Variants in KRT33A observed in about 807,000 individuals in gnomAD.
The protein encoded by KRT33A is keratin, type I cuticular Ha3-I.
Under a neutral mutation model 41.1 loss-of-function variants are expected in KRT33A, and 44 were observed. The observed-to-expected ratio is 1.07, with a 90% CI of 0.84 to 1.38. The LOEUF is 1.38. Among genes scored for constraint, KRT33A ranks in the 40% most tolerant of loss-of-function variants. The pLI is 0.00. For missense variants in KRT33A, 536 were observed against 518.5 expected (o/e 1.03, Z -0.33); for synonymous variants, 229 against 227.8 (o/e 1.01, Z -0.05).
chr17:41,346,554 C>T lies in KRT33A; in HGVS notation c.991G>A (p.Asp331Asn), dbSNP rs1257517896. Residue 331 changes from aspartate to asparagine, a missense_variant, in exon 6 of 7, where the codon GAC becomes AAC. By Grantham distance (23) the Asp-to-Asn change is conservative. Transcript: ENST00000007735. ...TACTCCTGGTTCTGCCGCTCCAGGTCACTGCGGATCTCCGCCAGCTGGGAC... is the reference window on the plus strand; with the variant it reads ...TACTCCTGGTTCTGCCGCTCCAGGTTACTGCGGATCTCCGCCAGCTGGGAC... ...VESQLAEIRS[D>N]LERQNQEYQV... 1 of 1,614,214 alleles carries T rather than the reference C, an allele frequency of 6.2e-7. No homozygotes were observed. Among genetic ancestry groups the T allele is most frequent in the Admixed American group, 1.7e-5 (1 of 60,026 alleles).
intron 6 of KRT33A, 42 bp downstream of exon 6, chr17:41,346,406 C>T (rs1370593563): frequency 1.2e-6 from 2 of 1,610,536 alleles, no homozygotes; most frequent in Admixed American, 1.7e-5. Context: ...TCCACAGCAA[C>T]CTAACATGCC....
At chr17:41,348,093 A>G (rs376110539) in intron 3 of KRT33A, among the ~76,000 whole-genome samples, 2 of 152,246 alleles carry the variant, frequency 1.3e-5, no homozygotes, top group East Asian at 1.9e-4. Context: ...AGGAACGAAG[A>G]GAATTGCATT....
rs746855425 is a variant in KRT33A, at chr17:41,347,203, C to T, written c.608G>A (p.Cys203Tyr). 2 of 1,611,946 alleles carry T rather than the reference C, an allele frequency of 1.2e-6. No individual in the cohort carries two copies. Among genetic ancestry groups the T allele is most frequent in the Non-Finnish European group, 1.7e-6 (2 of 1,179,262 alleles). Residue 203 changes from cysteine (C) to tyrosine (Y), a missense_variant, in exon 4 of 7, where the codon TGC becomes TAC. Cys to Tyr is a radical substitution (Grantham distance 194). Coordinates refer to ENST00000007735, the MANE Select transcript of KRT33A (RefSeq NM_004138.4). Reference protein sequence around the residue: ...NHEQEVNTLRCQLGDRLNVEV... With the variant: ...NHEQEVNTLRYQLGDRLNVEV... ...CACGTTGAGGCGGTCTCCAAGCTGG[C>T]AGCGCAGGGTGTTAACCTCCTGATG...
In KRT33A at chr17:41,346,605, C is replaced by T; in HGVS notation, c.940G>A (p.Val314Met). The T allele has an allele frequency of 6.2e-7, 1 of 1,614,236 alleles. No individual in the cohort carries two copies. Among genetic ancestry groups the T allele is most frequent in the African/African-American group, 1.3e-5 (1 of 75,066 alleles). ...TCCACGTTGGTGATCAGTCTCTGCA[C>T]CTGGGACAGCTGGGAGCTGTAGCGG... ...EARYSSQLSQ[V>M]QRLITNVESQ... The change falls in exon 6 of 7, where the codon GTG becomes ATG. Residue 314 changes from valine (V) to methionine (M), a missense_variant. Physicochemically the swap from Val to Met is conservative, Grantham distance 21. Coordinates refer to ENST00000007735, the MANE Select transcript of KRT33A (RefSeq NM_004138.4).
At chr17:41,349,810 C>T (rs1397554964) in intron 1 of KRT33A, among the ~76,000 whole-genome samples, 1 of 151,722 alleles carries the variant, frequency 6.6e-6, no homozygotes, top group East Asian at 1.9e-4. Context: ...GGTAAACTAG[C>T]AATTGCAGGG....
At position 41,350,478 on chromosome 17, in the gene KRT33A, G is replaced by A; in HGVS notation, c.290C>T (p.Pro97Leu). The change falls in exon 1 of 7, where the codon CCC (proline) becomes CTC (leucine). Residue 97 changes from proline to leucine, a missense_variant. By Grantham distance (98) the Pro-to-Leu change is moderately conservative (BLOSUM62 -3). Coordinates refer to ENST00000007735, the MANE Select transcript of KRT33A (RefSeq NM_004138.4). ...GGACTGGTAGCTGGCACACACCAAG[G>A]GCTCCTGCTGCTGTGACCGCTCCCG... ...LIRERSQQQEPLVCASYQSYF... is the reference protein window; with the variant it reads ...LIRERSQQQELLVCASYQSYF... 1 of 1,614,044 alleles carries A rather than the reference G, an allele frequency of 6.2e-7. No homozygotes were observed. Among genetic ancestry groups the A allele is most frequent in the Non-Finnish European group, 8.5e-7 (1 of 1,180,030 alleles).
rs200406617 is a variant in KRT33A, at chr17:41,346,151, G to T, written c.1183C>A (p.Arg395=). The T allele has an allele frequency of 1.1e-5, 17 of 1,613,954 alleles. No homozygotes were observed. The South Asian group carries it at 1.8e-4, about 17-fold the overall frequency. The change falls in exon 7 of 7, where the codon CGG becomes AGG. Residue 395 remains arginine, a synonymous_variant. Transcript: ENST00000007735. ...CCAAATGTGTTGCAAGGCCCACACC[G>T]AGCACGTAGGCCACAGGGATTAGAG... ...CISNPCGLRA[R]CGPCNTFGY is the part of the protein sequence containing the mutation.
Position 41,350,443 on chromosome 17 carries a change from T to G in KRT33A, c.325A>C (p.Thr109Pro), listed in dbSNP as rs756896552. 13 of 1,613,840 alleles carry G rather than the reference T, an allele frequency of 8.1e-6. No individual in the cohort carries two copies. The Admixed American group carries it at 2.2e-4, about 27-fold the overall frequency. The change falls in exon 1 of 7, where the codon ACC becomes CCC. Residue 109 changes from threonine to proline, a missense_variant. Thr to Pro is a conservative substitution (Grantham distance 38). Coordinates refer to ENST00000007735, the MANE Select transcript of KRT33A (RefSeq NM_004138.4). ...ACCTTCTGCTGGAGCTCCTCAATGG[T>G]CTTGAAGTAGGACTGGTAGCTGGCA... The part of the protein sequence containing the change: ...VCASYQSYFK[T>P]IEELQQKILC...
intron 3 of KRT33A, among the ~76,000 whole-genome samples, chr17:41,347,923 T>C (rs1258391704): frequency 3.3e-5 from 5 of 152,236 alleles, no homozygotes; most frequent in African/African-American, 1.2e-4. Context: ...ACTAAGCACT[T>C]GATTAATATT....
Position 41,347,182 on chromosome 17 carries a change from T to A in KRT33A, c.629A>T (p.Asn210Ile). Reference protein sequence around the residue: ...TLRCQLGDRLNVEVDAAPTVD... With the variant: ...TLRCQLGDRLIVEVDAAPTVD... Reference sequence around the variant, plus strand: ...AGTGGGAGCAGCGTCCACCTCCACGTTGAGGCGGTCTCCAAGCTGGCAGCG... The same window carrying A: ...AGTGGGAGCAGCGTCCACCTCCACGATGAGGCGGTCTCCAAGCTGGCAGCG... Residue 210 changes from asparagine to isoleucine, a missense_variant, in exon 4 of 7, where the codon AAC (asparagine) becomes ATC (isoleucine). Transcript: ENST00000007735. 1 of 1,613,742 alleles carries A rather than the reference T, an allele frequency of 6.2e-7. No homozygotes were observed. The highest frequency in any genetic ancestry group is 8.5e-7 in the Non-Finnish European group (1 of 1,179,890).
In KRT33A at chr17:41,348,553, C is replaced by A; in HGVS notation, c.518G>T (p.Arg173Met). Residue 173 changes from arginine to methionine, a missense_variant, in exon 3 of 7, where the codon AGG (arginine) becomes ATG (methionine). Arg to Met is a moderately conservative substitution (Grantham distance 91). Coordinates refer to ENST00000007735, the MANE Select transcript of KRT33A (RefSeq NM_004138.4). ...CTCCACCTGGGCCTCCAGGTCAGAC[C>A]TGCACAGGGTCAGCTCATCCAGGAT... ...RRILDELTLC[R>M]SDLEAQVESL... The A allele has an allele frequency of 6.2e-7, 1 of 1,614,012 alleles. No homozygotes were observed. The highest frequency in any genetic ancestry group is 2.2e-5 in the East Asian group (1 of 44,842).
Position 41,347,006 on chromosome 17 carries a change from C to T in KRT33A, c.751-37G>A, listed in dbSNP as rs377237854. The T allele has an allele frequency of 3.2e-4, 519 of 1,611,986 alleles. 3 individuals carry two copies. The highest frequency in any genetic ancestry group is 3.5e-4 in the Non-Finnish European group (413 of 1,178,532). Reference sequence around the variant, plus strand: ...AAGGGGAGAAAGGATCAGACCCTGCCTCCGGGGCCCTGGGGGGCCTCGGGT... The same window carrying T: ...AAGGGGAGAAAGGATCAGACCCTGCTTCCGGGGCCCTGGGGGGCCTCGGGT... On this transcript the variant is annotated intron_variant, in intron 4 of 6. Coordinates refer to ENST00000007735, the MANE Select transcript of KRT33A (RefSeq NM_004138.4).
chr17:41,349,633 T>A (rs969466379), intron 1 of KRT33A, among the ~76,000 whole-genome samples: 1 of 152,078 alleles, frequency 6.6e-6, no homozygotes, highest in Non-Finnish European at 1.5e-5. Flanking sequence ...GTAGATAATC[T>A]TTTTTCTATC....
In KRT33A at chr17:41,349,379, T is replaced by A; in HGVS notation, c.398A>T (p.Asn133Ile). Residue 133 changes from asparagine to isoleucine, a missense_variant, in exon 2 of 7, where the codon AAT (asparagine) becomes ATT (isoleucine). Transcript: ENST00000007735. Reference protein sequence around the residue: ...ENARLVVQIDNAKLASDDFRT... With the variant: ...ENARLVVQIDIAKLASDDFRT... ...GAAGTCATCTGAGGCCAGCTTGGCATTGTCGATCTGCACCACAAGCCTGGC... is the reference window on the plus strand; with the variant it reads ...GAAGTCATCTGAGGCCAGCTTGGCAATGTCGATCTGCACCACAAGCCTGGC... The A allele has an allele frequency of 6.2e-7, 1 of 1,613,944 alleles. No individual in the cohort carries two copies. The highest frequency in any genetic ancestry group is 8.5e-7 in the Non-Finnish European group (1 of 1,179,996).
intron 3 of KRT33A, among the ~76,000 whole-genome samples, chr17:41,347,997 C>T (rs1175602353): frequency 6.6e-6 from 1 of 152,090 alleles, no homozygotes; most frequent in Non-Finnish European, 1.5e-5. Flanking sequence ...TTCTTTTTTG[C>T]CCAACTGACT....
At position 41,348,535 on chromosome 17, in the gene KRT33A, T is replaced by A. The variant is rs1330548445; in HGVS notation, c.536A>T (p.Gln179Leu). 6.2e-7 allele frequency: 1 copy of A among 1,613,860 alleles called. No individual in the cohort carries two copies. The highest frequency in any genetic ancestry group is 8.5e-7 in the Non-Finnish European group (1 of 1,180,006). The change falls in exon 3 of 7, where the codon CAG (glutamine) becomes CTG (leucine). Residue 179 changes from glutamine (Q) to leucine (L), a missense_variant. Transcript: ENST00000007735. ...LTLCRSDLEAQVESLKEELLC... is the reference protein window; with the variant it reads ...LTLCRSDLEALVESLKEELLC... The stretch of plus-strand genomic sequence containing the variant: ...CAGCTCCTCCTTCAGGGACTCCACC[T>A]GGGCCTCCAGGTCAGACCTGCACAG...
At chr17:41,348,671 G>A in intron 2 of KRT33A, 32 bp from the exon 3 acceptor site, 1 of 1,611,962 alleles carries the variant, frequency 6.2e-7, no homozygotes, top group Non-Finnish European at 8.5e-7. Flanking sequence ...GAACAGGCTG[G>A]GCAGGAATAG....
At position 41,346,948 on chromosome 17, in the gene KRT33A, C is replaced by T. The variant is rs778162681; in HGVS notation, c.772G>A (p.Val258Met). 1.2e-5 allele frequency: 20 copies of T among 1,613,648 alleles called. No individual in the cohort carries two copies. In the Middle Eastern group the frequency reaches 7.1e-4, roughly 57 times the overall value. The change falls in exon 5 of 7, where the codon GTG becomes ATG. Residue 258 changes from valine to methionine, a missense_variant. Val to Met is a conservative substitution (Grantham distance 21, BLOSUM62 1). Coordinates refer to ENST00000007735, the MANE Select transcript of KRT33A (RefSeq NM_004138.4). ...ATQTEELNKQ[V>M]VSSSEQLQSY... ...TGCAGCTGCTCCGAGCTGGATACCA[C>T]CTGCTTGTTCAGCTCCTCGGTCTGA...
In KRT33A at chr17:41,346,459, G is replaced by A. The variant is rs371293319; in HGVS notation, c.1086C>T (p.Ser362=). ...ACCCCCATACTGACTTGCAGTCCTC[G>A]CTCTCCAGCAGGCTCCGGTACGTGT... ...EINTYRSLLE[S]EDCKLPSNPC... is the part of the protein sequence containing the mutation. The change falls in exon 6 of 7, where the codon AGC becomes AGT. Residue 362 remains serine, a synonymous_variant. Transcript: ENST00000007735. The A allele has an allele frequency of 2.0e-5, 33 of 1,613,778 alleles. No homozygotes were observed. Among genetic ancestry groups the A allele is most frequent in the Admixed American group, 5.0e-5 (3 of 59,990 alleles).
Sources: allele counts gnomAD v4.1 joint callset (sites outside exome capture counted in the v4.1 genomes callset), GRCh38; gene constraint gnomAD v4.1.1; transcripts MANE v1.5; gene names NCBI Gene and HGNC (gene_info 2026-07-23, HGNC 2026-07-21).